Variants in YTHDC2 observed in about 807,000 individuals in gnomAD.
The protein encoded by YTHDC2 is 3'-5' RNA helicase YTHDC2.
Under a neutral mutation model 174.9 loss-of-function variants are expected in YTHDC2, and 45 were observed. That is an observed-to-expected ratio of 0.26 (90% confidence interval 0.20 to 0.33). The LOEUF is 0.33. YTHDC2 is among the 10% of genes least tolerant of loss of function. The pLI is 1.00. For missense variants in YTHDC2, 1,650 were observed against 1,723.7 expected (o/e 0.96, Z 0.76); for synonymous variants, 657 against 574.5 (o/e 1.14, Z -2.05).
At chr5:113,591,310 GA>G in intron 27 of YTHDC2, 66 bp downstream of exon 27, 1 of 1,524,114 alleles carries the variant, frequency 6.6e-7, no homozygotes, top group Non-Finnish European at 9.0e-7. Context: ...GAGATTTTTA[GA>G]AAAACAACTG....
At chr5:113,527,439 G>T (rs1245631232) in intron 4 of YTHDC2, among the ~76,000 whole-genome samples, 1 of 152,112 alleles carries the variant, frequency 6.6e-6, no homozygotes, top group Non-Finnish European at 1.5e-5. Flanking sequence ...GTACATTCTT[G>T]CGGCATTTCA....
chr5:113,515,578 C>G (rs1773364091), intron 2 of YTHDC2, among the ~76,000 whole-genome samples: 1 of 151,812 alleles, frequency 6.6e-6, no homozygotes, highest in Non-Finnish European at 1.5e-5. Context: ...TTTTGTTTTT[C>G]CCTAGGAAAA....
intron 12 of YTHDC2, among the ~76,000 whole-genome samples, chr5:113,550,215 T>C (rs2112658985): frequency 6.6e-6 from 1 of 151,814 alleles, no homozygotes; most frequent in Non-Finnish European, 1.5e-5. Context: ...ATGACACCTG[T>C]GTCTAGTAGG....
intron 2 of YTHDC2, 49 bp from the exon 3 acceptor site, chr5:113,524,932 G>T: frequency 7.2e-7 from 1 of 1,381,644 alleles, no homozygotes; most frequent in South Asian, 1.4e-5. Context: ...CATCATATGT[G>T]AACAAGTTGA....
At chr5:113,568,051 A>G (rs1016928622) in intron 23 of YTHDC2, among the ~76,000 whole-genome samples, 1 of 152,084 alleles carries the variant, frequency 6.6e-6, no homozygotes, top group Non-Finnish European at 1.5e-5. Flanking sequence ...CTTGATGTTT[A>G]TTTGTGCATT....
At chr5:113,569,464 T>C (rs1777575282) in intron 23 of YTHDC2, among the ~76,000 whole-genome samples, 1 of 152,228 alleles carries the variant, frequency 6.6e-6, no homozygotes, top group Non-Finnish European at 1.5e-5. Context: ...TTCGAGGGTT[T>C]TTATGGTTTA....
At chr5:113,544,624 G>A (rs1248513215) in intron 10 of YTHDC2, among the ~76,000 whole-genome samples, 1 of 151,940 alleles carries the variant, frequency 6.6e-6, no homozygotes, top group Non-Finnish European at 1.5e-5. Context: ...CTTCTGGAGT[G>A]AACATATGTA....
chr5:113,562,609 A>G (rs1482836217), intron 18 of YTHDC2, among the ~76,000 whole-genome samples: 1 of 152,082 alleles, frequency 6.6e-6, no homozygotes, highest in East Asian at 1.9e-4. Context: ...CTCTTACACC[A>G]TTGGTTTTAG....
intron 17 of YTHDC2, among the ~76,000 whole-genome samples, chr5:113,558,921 CAAAA>C (rs60017425): frequency 1.6e-5 from 2 of 121,286 alleles, no homozygotes; most frequent in Non-Finnish European, 3.5e-5. Flanking sequence ...GACTCCGTCT[CAAAA>C]AAAAAAAAAA....
At chr5:113,578,769 T>A (rs1178114746) in intron 23 of YTHDC2, among the ~76,000 whole-genome samples, 1 of 152,150 alleles carries the variant, frequency 6.6e-6, no homozygotes, top group Non-Finnish European at 1.5e-5. Context: ...GACTTGGTAT[T>A]CTGGATTTCT....
At chr5:113,566,887 A>C (rs749430515) in intron 21 of YTHDC2, among the ~76,000 whole-genome samples, 10 of 152,166 alleles carry the variant, frequency 6.6e-5, no homozygotes, top group Non-Finnish European at 1.2e-4. Context: ...GCAGATCTAC[A>C]CTTCCCTAGA....
intron 16 of YTHDC2, among the ~76,000 whole-genome samples, chr5:113,555,615 A>T (rs1274236843): frequency 1.3e-5 from 2 of 152,196 alleles, no homozygotes; most frequent in Non-Finnish European, 2.9e-5. Flanking sequence ...ATTGATTGTT[A>T]TTCTTACTCC....
chr5:113,562,647 G>A (rs1316453444), intron 18 of YTHDC2, among the ~76,000 whole-genome samples: 1 of 151,958 alleles, frequency 6.6e-6, no homozygotes, highest in East Asian at 1.9e-4. Context: ...TTTTCCTTCT[G>A]CCTTACAGCT....
At chr5:113,565,744 A>G in intron 20 of YTHDC2, 149 bp from the exon 21 acceptor site, 2 of 706,826 alleles carry the variant, frequency 2.8e-6, no homozygotes, top group Non-Finnish European at 4.1e-6. Flanking sequence ...GATAAATATT[A>G]TTTGATCATA....
At chr5:113,519,721 T>C (rs1561619391) in intron 2 of YTHDC2, among the ~76,000 whole-genome samples, 1 of 152,172 alleles carries the variant, frequency 6.6e-6, no homozygotes, top group African/African-American at 2.4e-5. Context: ...TACTAAGTGT[T>C]GTTGTATACT....
rs762588668 is a variant in YTHDC2 at position 113,553,786 on chromosome 5, C to T, written c.1984C>T (p.His662Tyr). The T allele has an allele frequency of 1.2e-6, 2 of 1,612,588 alleles. No homozygotes were observed. Among genetic ancestry groups the T allele is most frequent in the South Asian group, 1.1e-5 (1 of 90,802 alleles). The part of the protein sequence containing the change: ...STHRYQVFML[H>Y]SNMQTSDQKK... ...CTGCAGATACCAAGTCTTTATGCTTCATTCAAATATGCAAACATCCGATCA... is the reference window on the plus strand; with the variant it reads ...CTGCAGATACCAAGTCTTTATGCTTTATTCAAATATGCAAACATCCGATCA... The change falls in exon 15 of 30, where the codon CAT becomes TAT. Residue 662 changes from histidine (H) to tyrosine (Y), a missense_variant. By Grantham distance (83) the His-to-Tyr change is moderately conservative. Coordinates refer to ENST00000161863, the MANE Select transcript of YTHDC2 (RefSeq NM_022828.5).
chr5:113,549,329 GGT>G (rs1776096340), intron 12 of YTHDC2, among the ~76,000 whole-genome samples: 1 of 152,070 alleles, frequency 6.6e-6, no homozygotes, highest in Non-Finnish European at 1.5e-5. Flanking sequence ...AAATTTAAAA[GGT>G]GTAAACCAAA....
chr5:113,526,203 A>C (rs1483010793), intron 3 of YTHDC2, among the ~76,000 whole-genome samples: 2 of 152,102 alleles, frequency 1.3e-5, no homozygotes, highest in Non-Finnish European at 2.9e-5. Flanking sequence ...TTAATTTTCC[A>C]TGAAATTATT....
chr5:113,550,915 A>G (rs1417843435), intron 12 of YTHDC2, among the ~76,000 whole-genome samples: 1 of 152,034 alleles, frequency 6.6e-6, no homozygotes, highest in Non-Finnish European at 1.5e-5. Flanking sequence ...TTTAAAGAAA[A>G]TTTTGAATAT....
Sources: gnomAD v4.1 joint callset for allele counts (sites outside exome capture counted in the v4.1 genomes callset) on GRCh38, gnomAD v4.1.1 for gene constraint, MANE v1.5 for transcripts, NCBI Gene and HGNC (gene_info 2026-07-23, HGNC 2026-07-21) for gene names.